PTPRM: variants seen among roughly 807,000 people sequenced by gnomAD.
PTPRM encodes receptor-type tyrosine-protein phosphatase mu.
A neutral mutation model predicts 186.7 loss-of-function variants in PTPRM; 47 were observed. That is an observed-to-expected ratio of 0.25 (90% CI 0.20 to 0.32). PTPRM has a LOEUF of 0.32. Among genes scored for constraint, PTPRM ranks in the 10% least tolerant of loss-of-function variants. PTPRM has a pLI of 1.00. For missense variants in PTPRM, 1,494 were observed against 1,865.0 expected (o/e 0.80, Z 3.66); for synonymous variants, 668 against 674.9 (o/e 0.99, Z 0.16).
rs2095294958 is a variant in PTPRM, at chr18:8,314,644, T to C, written c.2843-137T>C. Reference sequence around the variant, plus strand: ...ATAGCAAAATGGGAAGTAGAGGGTGTGTACTATTTAATTCTTTATCTTTAA... The same window carrying C: ...ATAGCAAAATGGGAAGTAGAGGGTGCGTACTATTTAATTCTTTATCTTTAA... On this transcript the variant is annotated intron_variant, in intron 20 of 32. Coordinates refer to ENST00000580170, the MANE Select transcript of PTPRM (RefSeq NM_001105244.2). 5.6e-6 allele frequency: 3 copies of C among 536,668 alleles called. No homozygotes were observed. The Admixed American group carries it at 1.0e-4, about 19-fold the overall frequency. The allele number at this position is 536,668 out of a possible 1,614,324, so 33.2% of individuals were successfully genotyped here. A position where few individuals can be genotyped will look rare whatever the true frequency, so the allele number is the denominator to read the frequency against.
chr18:8,011,328 G>T (rs945100225), intron 7 of PTPRM, among the ~76,000 whole-genome samples: 11 of 152,148 alleles, frequency 7.2e-5, no homozygotes, highest in African/African-American at 2.7e-4. Context: ...CTGGGAGGGT[G>T]CAGGCAAGCA....
At chr18:7,935,972 GA>G (rs1280801005) in intron 5 of PTPRM, among the ~76,000 whole-genome samples, 1 of 152,192 alleles carries the variant, frequency 6.6e-6, no homozygotes, top group African/African-American at 2.4e-5. Context: ...TACATTCTGG[GA>G]AAGCCTTCTT....
rs1361467547 is a variant in PTPRM at position 8,314,783 on chromosome 18, G to T, written c.2845G>T (p.Asp949Tyr). 6.2e-7 allele frequency: 1 copy of T among 1,610,870 alleles called. No homozygotes were observed. The highest frequency in any genetic ancestry group is 1.1e-5 in the South Asian group (1 of 90,568). ...TTTCTGTCCCTTTTCCTTTGCAGAC[G>T]ATCATTCCCGAGTGAGGCTGCAGAC... ...KNRYGNIIAY[D>Y]HSRVRLQTIE... Residue 949 changes from aspartate to tyrosine, a missense_variant and splice_region_variant, in exon 21 of 33, where the codon GAT (aspartate) becomes TAT (tyrosine). This residue lies in a region of PTPRM where 1,107 missense variants were observed against 1,350.2 expected (regional missense o/e 0.82). Coordinates refer to ENST00000580170, the MANE Select transcript of PTPRM (RefSeq NM_001105244.2).
intron 1 of PTPRM, among the ~76,000 whole-genome samples, chr18:7,696,534 G>A (rs1200428909): frequency 1.3e-5 from 2 of 152,292 alleles, no homozygotes; most frequent in African/African-American, 2.4e-5. Context: ...AGGTGCAAAT[G>A]TACCATATAA....
At chr18:7,662,412 A>C (rs984038189) in intron 1 of PTPRM, among the ~76,000 whole-genome samples, 2 of 152,206 alleles carry the variant, frequency 1.3e-5, no homozygotes, top group Non-Finnish European at 2.9e-5. Context: ...CATTTGCAAC[A>C]ATATGGATGG....
rs868200598 is a variant in PTPRM, at chr18:7,651,880, A to G, written c.73+83989A>G. On this transcript the variant is annotated intron_variant, in intron 1 of 32. Transcript: ENST00000580170. ...GTCTAAAACACCAAAAGCAATGGCAACAAAAGCCAAAATTGACAAATGGGA... is the reference window on the plus strand; with the variant it reads ...GTCTAAAACACCAAAAGCAATGGCAGCAAAAGCCAAAATTGACAAATGGGA... Among the ~76,000 whole-genome samples, 632 of 151,634 alleles carry G rather than the reference A, an allele frequency of 4.2e-3. 6 individuals carry two copies. The highest frequency in any genetic ancestry group is 0.015 in the African/African-American group (615 of 41,516).
At chr18:7,969,011 TC>T in intron 7 of PTPRM, among the ~76,000 whole-genome samples, 1 of 74,130 alleles carries the variant, frequency 1.3e-5, no homozygotes, top group Non-Finnish European at 2.7e-5. Flanking sequence ...TACATTTTTT[TC>T]AGCACCACAC....
At chr18:7,981,128 C>T (rs991172315) in intron 7 of PTPRM, among the ~76,000 whole-genome samples, 1 of 152,196 alleles carries the variant, frequency 6.6e-6, no homozygotes. Context: ...CACACCTCCT[C>T]TCCCGCTGGT....
chr18:8,330,480 T>C (rs891120628), intron 22 of PTPRM, among the ~76,000 whole-genome samples: 5 of 152,138 alleles, frequency 3.3e-5, no homozygotes, highest in African/African-American at 1.2e-4. Flanking sequence ...GGATTCCACT[T>C]GTGTACTGAG....
chr18:8,155,177 C>G (rs113806684), intron 14 of PTPRM: 1 of 151,944 alleles, frequency 6.6e-6, no homozygotes, highest in South Asian at 2.1e-4. Context: ...ATGAAAATAC[C>G]TGTATTTTTA....
chr18:7,742,843 C>T (rs1034315611), intron 1 of PTPRM, among the ~76,000 whole-genome samples: 6 of 152,072 alleles, frequency 3.9e-5, no homozygotes, highest in African/African-American at 1.4e-4. Flanking sequence ...TGGTAAGCCT[C>T]AATTTAGAAA....
intron 4 of PTPRM, 123 bp downstream of exon 4, chr18:7,906,706 C>A: frequency 1.3e-6 from 1 of 768,332 alleles, no homozygotes; most frequent in Non-Finnish European, 2.2e-6. Context: ...CCTGACAGGC[C>A]TGTATTGTTG....
intron 14 of PTPRM, among the ~76,000 whole-genome samples, chr18:8,210,846 A>G (rs2093993858): frequency 6.6e-6 from 1 of 152,248 alleles, no homozygotes; most frequent in Admixed American, 6.5e-5. Context: ...AGGCATTGCC[A>G]GTGGTGTAGA....
chr18:7,951,311 T>C (rs1334710345), intron 6 of PTPRM, among the ~76,000 whole-genome samples: 1 of 152,168 alleles, frequency 6.6e-6, no homozygotes, highest in Non-Finnish European at 1.5e-5. Flanking sequence ...ATTATTTAAT[T>C]TTCATCTTGG....
intron 11 of PTPRM, among the ~76,000 whole-genome samples, chr18:8,109,385 C>T (rs1406484309): frequency 6.6e-6 from 1 of 152,160 alleles, no homozygotes; most frequent in Non-Finnish European, 1.5e-5. Flanking sequence ...TCTAATTTGT[C>T]TTGTGGAGCA....
chr18:8,215,305 T>G (rs947246100), intron 14 of PTPRM, among the ~76,000 whole-genome samples: 1 of 151,988 alleles, frequency 6.6e-6, no homozygotes, highest in Non-Finnish European at 1.5e-5. Flanking sequence ...GTAGTTCGTA[T>G]TTACCATCTC....
chr18:7,825,062 G>T (rs1009890198), intron 2 of PTPRM, among the ~76,000 whole-genome samples: 2 of 152,144 alleles, frequency 1.3e-5, no homozygotes, highest in South Asian at 4.1e-4. Context: ...CGTTTCATGT[G>T]CAGGGCCATC....
intron 2 of PTPRM, among the ~76,000 whole-genome samples, chr18:7,854,791 A>G (rs1351499675): frequency 1.3e-5 from 2 of 150,244 alleles, no homozygotes; most frequent in East Asian, 2.0e-4. Flanking sequence ...TTAATGACCT[A>G]GAAGTTTTCT....
intron 1 of PTPRM, among the ~76,000 whole-genome samples, chr18:7,604,679 C>T (rs2037487041): frequency 6.6e-6 from 1 of 152,178 alleles, no homozygotes; most frequent in Admixed American, 6.5e-5. Flanking sequence ...CCTTCCAGTG[C>T]AGTGCATGGT....
Sources: allele counts gnomAD v4.1 joint callset (sites outside exome capture counted in the v4.1 genomes callset), GRCh38; gene constraint gnomAD v4.1.1; regional missense constraint gnomAD v4.1.1; transcripts MANE v1.5; gene names NCBI Gene and HGNC (gene_info 2026-07-23, HGNC 2026-07-21).